TYR: variants seen among roughly 807,000 people sequenced by gnomAD.
TYR encodes tyrosinase.
TYR carries 58 observed loss-of-function variants against 51.5 expected under a neutral mutation model. That is an observed-to-expected ratio of 1.13 (90% confidence interval 0.91 to 1.40). The LOEUF is 1.40. TYR is among the 40% of genes most tolerant of loss of function. The probability of loss-of-function intolerance (pLI) is 0.00; values close to 1 mark genes in which losing one functional copy is unlikely to be tolerated. For missense variants in TYR, 732 were observed against 647.4 expected (o/e 1.13, Z -1.42); for synonymous variants, 263 against 235.2 (o/e 1.12, Z -1.08).
At chr11:89,247,609 T>C (rs1944282969) in intron 3 of TYR, among the ~76,000 whole-genome samples, 2 of 152,230 alleles carry the variant, frequency 1.3e-5, no homozygotes, top group Admixed American at 1.3e-4. Context: ...ACATGACTTG[T>C]CATTATTGCT....
intron 3 of TYR, among the ~76,000 whole-genome samples, chr11:89,278,835 T>G (rs1944687765): frequency 6.6e-6 from 1 of 151,746 alleles, no homozygotes; most frequent in Non-Finnish European, 1.5e-5. Context: ...ATATTACATT[T>G]AATCATTCTG....
chr11:89,182,410 T>A (rs1943312852), intron 1 of TYR, among the ~76,000 whole-genome samples: 1 of 152,140 alleles, frequency 6.6e-6, no homozygotes, highest in Non-Finnish European at 1.5e-5. Context: ...CAATAGCCAC[T>A]TACTCAAATT....
chr11:89,226,043 G>A (rs1943971231), intron 2 of TYR, among the ~76,000 whole-genome samples: 1 of 151,540 alleles, frequency 6.6e-6, no homozygotes, highest in African/African-American at 2.4e-5. Flanking sequence ...AAATCAGTTT[G>A]GGACCTACTT....
At chr11:89,259,162 C>T (rs1214128059) in intron 3 of TYR, among the ~76,000 whole-genome samples, 2 of 152,016 alleles carry the variant, frequency 1.3e-5, no homozygotes, top group East Asian at 3.9e-4. Flanking sequence ...GAATTCGTAA[C>T]ATTTACGTAA....
intron 3 of TYR, among the ~76,000 whole-genome samples, chr11:89,258,267 A>G (rs1234655064): frequency 6.6e-6 from 1 of 152,008 alleles, no homozygotes; most frequent in Non-Finnish European, 1.5e-5. Flanking sequence ...CCTTGAAAGT[A>G]GTGAAGGAGA....
At chr11:89,188,833 T>A (rs1355879692) in intron 1 of TYR, among the ~76,000 whole-genome samples, 1 of 151,924 alleles carries the variant, frequency 6.6e-6, no homozygotes, top group Non-Finnish European at 1.5e-5. Context: ...TGGTGAGTTT[T>A]GGGAAGGGCA....
intron 2 of TYR, among the ~76,000 whole-genome samples, chr11:89,226,349 G>T (rs1323257591): frequency 6.6e-6 from 1 of 152,002 alleles, no homozygotes; most frequent in Non-Finnish European, 1.5e-5. Flanking sequence ...TACTTAATTG[G>T]TCAGATCCTT....
At chr11:89,281,245 T>C (rs562690236) in intron 3 of TYR, among the ~76,000 whole-genome samples, 9 of 151,828 alleles carry the variant, frequency 5.9e-5, no homozygotes, top group African/African-American at 2.2e-4. Context: ...TGAAAGAGGC[T>C]GGACTGAAAG....
At chr11:89,293,336 TACACACACACACAC>T (rs59899373) in intron 4 of TYR, among the ~76,000 whole-genome samples, 55 of 147,728 alleles carry the variant, frequency 3.7e-4, no homozygotes, top group Non-Finnish European at 1.5e-4. Flanking sequence ...ATTTTATGCA[TACACACACACACAC>T]ACACACACAC....
intron 4 of TYR, among the ~76,000 whole-genome samples, chr11:89,289,685 A>T (rs1944834656): frequency 6.6e-6 from 1 of 152,070 alleles, no homozygotes; most frequent in African/African-American, 2.4e-5. Flanking sequence ...CAAGTAAGAC[A>T]TAATACTTGC....
chr11:89,185,446 C>A (rs1368946634), intron 1 of TYR, among the ~76,000 whole-genome samples: 5 of 152,256 alleles, frequency 3.3e-5, no homozygotes, highest in Non-Finnish European at 7.4e-5. Context: ...ATTCATCCAA[C>A]AAATTCTTAC....
chr11:89,266,402 T>G (rs2135311179), intron 3 of TYR, among the ~76,000 whole-genome samples: 1 of 152,072 alleles, frequency 6.6e-6, no homozygotes, highest in South Asian at 2.1e-4. Flanking sequence ...CACATATTTT[T>G]TACTTTCTTT....
chr11:89,178,679 A>C lies in TYR; in HGVS notation c.726A>C (p.Glu242Asp). 2 of 1,613,832 alleles carry C rather than the reference A, an allele frequency of 1.2e-6. No individual in the cohort carries two copies. The highest frequency in any genetic ancestry group is 8.5e-7 in the Non-Finnish European group (1 of 1,179,792). The change falls in exon 1 of 5, where the codon GAA (glutamate) becomes GAC (aspartate). Residue 242 changes from glutamate (E) to aspartate (D), a missense_variant. Physicochemically the swap from Glu to Asp is conservative, Grantham distance 45. Transcript: ENST00000263321. ...CATATTGGGACTGGCGGGATGCAGA[A>C]AAGTGTGACATTTGCACAGATGAGT... ...TIPYWDWRDA[E>D]KCDICTDEYM...
intron 3 of TYR, among the ~76,000 whole-genome samples, chr11:89,231,778 G>A (rs1235817757): frequency 7.1e-6 from 1 of 141,736 alleles, no homozygotes; most frequent in Non-Finnish European, 1.5e-5. Context: ...GAGCTCAGGA[G>A]TTCGAGGCCA....
At chr11:89,282,462 T>G (rs1332970321) in intron 3 of TYR, among the ~76,000 whole-genome samples, 1 of 151,784 alleles carries the variant, frequency 6.6e-6, no homozygotes, top group Non-Finnish European at 1.5e-5. Flanking sequence ...AAAATACAGG[T>G]AGAGTGTTGT....
At position 89,215,817 on chromosome 11, in the gene TYR, G is replaced by C. The variant is rs1449958004; in HGVS notation, c.1037-12006G>C. 2.0e-5 allele frequency among the ~76,000 whole-genome samples: 3 copies of C among 152,038 alleles called. No homozygotes were observed. In the East Asian group the frequency reaches 5.8e-4, roughly 29 times the overall value. ...GAGAGAGATCATTAATACTAAAGAC[G>C]CAAGACCCTCCATAAGTCATTTAAC... On this transcript the variant is annotated intron_variant, in intron 2 of 4. Coordinates refer to ENST00000263321, the MANE Select transcript of TYR (RefSeq NM_000372.5).
At chr11:89,223,458 G>A (rs562553778) in intron 2 of TYR, among the ~76,000 whole-genome samples, 100 of 151,994 alleles carry the variant, frequency 6.6e-4, no homozygotes, top group African/African-American at 2.3e-3. Flanking sequence ...ATAGAAAATA[G>A]TTTGTTCACA....
At chr11:89,219,584 C>A (rs751530138) in intron 2 of TYR, among the ~76,000 whole-genome samples, 5 of 152,114 alleles carry the variant, frequency 3.3e-5, no homozygotes, top group East Asian at 1.9e-4. Flanking sequence ...CCACTGTGCC[C>A]GGCCTGATAG....
chr11:89,211,540 C>A (rs957823506), intron 2 of TYR, among the ~76,000 whole-genome samples: 4 of 152,086 alleles, frequency 2.6e-5, no homozygotes, highest in African/African-American at 9.7e-5. Context: ...TTAGACAGAT[C>A]AATGAGACAG....
Sources: allele counts gnomAD v4.1 joint callset (sites outside exome capture counted in the v4.1 genomes callset), GRCh38; gene constraint gnomAD v4.1.1; transcripts MANE v1.5; gene names NCBI Gene and HGNC (gene_info 2026-07-23, HGNC 2026-07-21).